TLK2: variants seen among roughly 807,000 people sequenced by gnomAD.
The protein encoded by TLK2 is serine/threonine-protein kinase tousled-like 2.
Under a neutral mutation model 117.3 loss-of-function variants are expected in TLK2, and 6 were observed. The ratio of observed to expected loss-of-function variants is 0.05; its 90% CI spans 0.03 to 0.10. TLK2 has a LOEUF of 0.10. Ranked by LOEUF, TLK2 falls within the 10% of genes least tolerant of loss-of-function variation. TLK2 has a pLI of 1.00. For missense variants in TLK2, 299 were observed against 901.2 expected, an observed-to-expected ratio of 0.33 and a Z score of 8.56; for synonymous variants, 257 against 316.7, an observed-to-expected ratio of 0.81 and a Z score of 2.00.
At chr17:62,509,053 G>A (rs2074945322) in intron 2 of TLK2, among the ~76,000 whole-genome samples, 1 of 152,128 alleles carries the variant, frequency 6.6e-6, no homozygotes, top group African/African-American at 2.4e-5. Flanking sequence ...TCCTCTCTAG[G>A]TGTTGGTGAT....
intron 2 of TLK2, among the ~76,000 whole-genome samples, chr17:62,510,879 C>T (rs1290784620): frequency 1.3e-5 from 2 of 152,094 alleles, no homozygotes; most frequent in Non-Finnish European, 2.9e-5. Flanking sequence ...ATACCTGGCC[C>T]TAGCAAATGC....
chr17:62,472,117 AG>A (rs2070953947), intron 1 of TLK2, among the ~76,000 whole-genome samples: 3 of 151,230 alleles, frequency 2.0e-5, no homozygotes, highest in Admixed American at 2.0e-4. Context: ...CGTGTTAGCC[AG>A]GATGGTCTTG....
intron 6 of TLK2, among the ~76,000 whole-genome samples, chr17:62,532,944 C>CT (rs2076843434): frequency 6.6e-6 from 1 of 152,058 alleles, no homozygotes; most frequent in African/African-American, 2.4e-5. Flanking sequence ...TCACACCCTG[C>CT]TAATAATACT....
intron 11 of TLK2, among the ~76,000 whole-genome samples, chr17:62,567,812 T>TG (rs1460126047): frequency 2.0e-5 from 3 of 152,150 alleles, no homozygotes; most frequent in Admixed American, 1.3e-4. Context: ...ACCATTTTTT[T>TG]TTGTTGTTGT....
chr17:62,522,093 C>T, intron 3 of TLK2, 111 bp from the exon 4 acceptor site: 1 of 1,146,060 alleles, frequency 8.7e-7, no homozygotes, highest in Non-Finnish European at 1.2e-6. Context: ...CAGGACTTGT[C>T]TGGGCCAGTT....
rs1051767684 is a variant in TLK2 at position 62,578,379 on chromosome 17, C to T, written c.1189-98C>T. The T allele has an allele frequency of 6.7e-6, 6 of 893,106 alleles. No individual in the cohort carries two copies. The South Asian group carries it at 7.2e-5, about 11-fold the overall frequency. The allele number at this position is 893,106 out of a possible 1,614,324, so 55.3% of individuals were successfully genotyped here. A position where few individuals can be genotyped will look rare whatever the true frequency, so the allele number is the denominator to read the frequency against. On this transcript the variant is annotated intron_variant, in intron 13 of 21. Transcript: ENST00000346027. ...TTCAATGCAAAGCACCTTCCTTTAG[C>T]CTTTCATAAGATAAATGTCTGCTAT... is the stretch of plus-strand genomic sequence containing the variant.
intron 7 of TLK2, among the ~76,000 whole-genome samples, chr17:62,546,360 T>TTTTTTTTTTTTTTTTTA (rs1555628571): frequency 1.0e-5 from 1 of 98,862 alleles, no homozygotes; most frequent in Non-Finnish European, 2.1e-5. Context: ...TTTTTTTTTT[T>TTTTTTTTTTTTTTTTTA]ACATAATGAA....
intron 2 of TLK2, among the ~76,000 whole-genome samples, chr17:62,503,780 G>A (rs1359727364): frequency 2.0e-5 from 3 of 146,428 alleles, no homozygotes; most frequent in African/African-American, 5.0e-5. Context: ...CCAGGCTGGA[G>A]TGTAATGGCG....
At chr17:62,490,346 C>T (rs1238370615) in intron 2 of TLK2, among the ~76,000 whole-genome samples, 1 of 152,048 alleles carries the variant, frequency 6.6e-6, no homozygotes, top group Non-Finnish European at 1.5e-5. Flanking sequence ...TTAGATTTGC[C>T]TAATCTACAT....
At chr17:62,497,518 A>C (rs535472466) in intron 2 of TLK2, among the ~76,000 whole-genome samples, 1 of 152,288 alleles carries the variant, frequency 6.6e-6, no homozygotes, top group Non-Finnish European at 1.5e-5. Context: ...CCATGTTTTA[A>C]AAGGCTTTTT....
At chr17:62,498,902 A>C (rs2073948612) in intron 2 of TLK2, among the ~76,000 whole-genome samples, 1 of 150,794 alleles carries the variant, frequency 6.6e-6, no homozygotes, top group African/African-American at 2.4e-5. Flanking sequence ...TCTCTCTGTC[A>C]CCCAGGCTGG....
At chr17:62,539,549 A>G (rs1415873110) in intron 7 of TLK2, among the ~76,000 whole-genome samples, 3 of 142,402 alleles carry the variant, frequency 2.1e-5, no homozygotes, top group Non-Finnish European at 4.5e-5. Context: ...GTGCAATCTC[A>G]GCTCACTCCA....
intron 10 of TLK2, among the ~76,000 whole-genome samples, chr17:62,561,139 C>G (rs1471425594): frequency 1.3e-5 from 2 of 152,150 alleles, no homozygotes; most frequent in East Asian, 1.9e-4. Flanking sequence ...TCATCCATGT[C>G]CCTACAAAGG....
chr17:62,538,315 A>G (rs1223686290), intron 7 of TLK2, among the ~76,000 whole-genome samples: 3 of 152,118 alleles, frequency 2.0e-5, no homozygotes, highest in Non-Finnish European at 2.9e-5. Flanking sequence ...GATTACAGGC[A>G]TGAGCCACCG....
In TLK2 at chr17:62,608,217, A is replaced by G; in HGVS notation, c.2079+69A>G. 2.5e-6 allele frequency: 3 copies of G among 1,195,970 alleles called. No individual in the cohort carries two copies. In the Admixed American group the frequency reaches 6.5e-5, roughly 26 times the overall value. The allele number at this position is 1,195,970 out of a possible 1,614,324, so 74.1% of individuals were successfully genotyped here. On this transcript the variant is annotated intron_variant, in intron 21 of 21. Coordinates refer to ENST00000346027, the MANE Select transcript of TLK2 (RefSeq NM_006852.6). ...GCTTTCTGTATTACTTTTTTGGGTA[A>G]TAGTGGATGGATTCTTCAGTGTGAA...
intron 16 of TLK2, among the ~76,000 whole-genome samples, chr17:62,594,596 C>T (rs750388305): frequency 6.6e-6 from 1 of 152,176 alleles, no homozygotes; most frequent in Non-Finnish European, 1.5e-5. Context: ...TAAATAAAGA[C>T]TAAAACACTT....
chr17:62,529,630 A>G (rs1355916198), intron 6 of TLK2, among the ~76,000 whole-genome samples: 2 of 152,268 alleles, frequency 1.3e-5, no homozygotes, highest in South Asian at 2.1e-4. Flanking sequence ...TCAAATTTGC[A>G]TTATGTTTTC....
chr17:62,476,843 A>G (rs1598058985), upstream of TLK2, among the ~76,000 whole-genome samples: 1 of 151,804 alleles, frequency 6.6e-6, no homozygotes, highest in East Asian at 1.9e-4. Context: ...GCACTTTGGG[A>G]GGCTGAGATG....
chr17:62,560,060 G>T lies in TLK2; in HGVS notation c.765G>T (p.Met255Ile), dbSNP rs566835763. 2 of 1,612,116 alleles carry T rather than the reference G, an allele frequency of 1.2e-6. No individual in the cohort carries two copies. Among genetic ancestry groups the T allele is most frequent in the South Asian group, 2.2e-5 (2 of 90,694 alleles). The change falls in exon 10 of 22, where the codon ATG becomes ATT. Residue 255 changes from methionine (M) to isoleucine (I), a missense_variant. By Grantham distance (10) the Met-to-Ile change is conservative (BLOSUM62 1). Transcript: ENST00000346027. ...GGCAGATTGATGAACAGCAAAAGAT[G>T]CTAGAGAAATACAAGGAACGATTAA... is the stretch of plus-strand genomic sequence containing the variant. ...LRRQIDEQQK[M>I]LEKYKERLNR...
Sources: gnomAD v4.1 joint callset for allele counts (sites outside exome capture counted in the v4.1 genomes callset) on GRCh38, gnomAD v4.1.1 for gene constraint, MANE v1.5 for transcripts, NCBI Gene and HGNC (gene_info 2026-07-23, HGNC 2026-07-21) for gene names.